The following DOCK2 variants were observed in gnomAD, a reference collection of about 807,000 sequenced individuals.
The protein encoded by DOCK2 is dedicator of cytokinesis protein 2.
In DOCK2, 87 loss-of-function variants were observed where a neutral mutation model predicts 248.9. The ratio of observed to expected loss-of-function variants is 0.35; its 90% confidence interval spans 0.29 to 0.42. The LOEUF is 0.42. Ranked by LOEUF, DOCK2 falls within the 10% of genes least tolerant of loss-of-function variation. The pLI is 1.00. For synonymous variants in DOCK2, 805 were observed against 821.6 expected (o/e 0.98, Z 0.35); for missense variants, 1,747 against 2,300.2 (o/e 0.76, Z 4.92).
chr5:170,058,653 G>A lies in DOCK2; in HGVS notation c.4467+987G>A, dbSNP rs139563800. ...TTGTGTCCAGATCAGAACAAGTGAG[G>A]GTGAGTAACAGTCATCTGATACCAG... On this transcript the variant is annotated intron_variant, in intron 44 of 51. Transcript: ENST00000520908. 5.7e-4 allele frequency among the ~76,000 whole-genome samples: 86 copies of A among 152,190 alleles called. 1 individual carries two copies. Among genetic ancestry groups the A allele is most frequent in the Middle Eastern group, 6.8e-3 (2 of 294 alleles).
At chr5:169,686,098 G>T (rs568656426) in intron 8 of DOCK2, among the ~76,000 whole-genome samples, 5 of 152,264 alleles carry the variant, frequency 3.3e-5, no homozygotes, top group East Asian at 3.9e-4. Flanking sequence ...GGTCCCTTAC[G>T]CCCACCTTGA....
chr5:169,709,210 C>T (rs2113512353), intron 15 of DOCK2, among the ~76,000 whole-genome samples: 1 of 152,308 alleles, frequency 6.6e-6, no homozygotes, highest in Admixed American at 6.5e-5. Context: ...TGACCCTTGC[C>T]TGTTTTTTAA....
chr5:169,915,950 G>A (rs1581411055), intron 27 of DOCK2, among the ~76,000 whole-genome samples: 1 of 152,276 alleles, frequency 6.6e-6, no homozygotes, highest in East Asian at 1.9e-4. Context: ...GAAACGTTAT[G>A]CTGAATTCTG....
At position 169,704,259 on chromosome 5, in the gene DOCK2, G is replaced by C. The variant is rs6555874; in HGVS notation, c.1383+1832G>C. Among the ~76,000 whole-genome samples the C allele has an allele frequency of 4.4e-3, 667 of 152,326 alleles. 6 individuals carry two copies. Among genetic ancestry groups the C allele is most frequent in the African/African-American group, 0.015 (628 of 41,588 alleles). On this transcript the variant is annotated intron_variant, in intron 14 of 51. Transcript: ENST00000520908. ...GAAATAAATATTACTGCCTAATTAAGTGTCAGTCAGTACATTCAAACACTT... is the reference window on the plus strand; with the variant it reads ...GAAATAAATATTACTGCCTAATTAACTGTCAGTCAGTACATTCAAACACTT...
intron 6 of DOCK2, among the ~76,000 whole-genome samples, chr5:169,678,452 C>T (rs1294524287): frequency 3.9e-5 from 6 of 151,900 alleles, no homozygotes; most frequent in African/African-American, 7.3e-5. Flanking sequence ...TTAGTAGAGA[C>T]GGGGTTTCAC....
chr5:169,775,012 G>A (rs1354687574), intron 25 of DOCK2, among the ~76,000 whole-genome samples: 5 of 152,080 alleles, frequency 3.3e-5, no homozygotes, highest in Admixed American at 1.3e-4. Flanking sequence ...AGGTTCAAGC[G>A]ATTCTCTTGC....
chr5:169,848,508 G>T (rs935603962), intron 27 of DOCK2, among the ~76,000 whole-genome samples: 10 of 152,226 alleles, frequency 6.6e-5, no homozygotes, highest in African/African-American at 2.4e-4. Flanking sequence ...TCCTGTTACT[G>T]ACTGCTCTAG....
rs918501534 is a variant in DOCK2 at position 169,679,652 on chromosome 5, A to G, written c.471-2092A>G. ...GCGATGCTCCATCTTTTCCAAGGTC[A>G]GGAGAGCCTCTGCTAAGCATTAGCT... On this transcript the variant is annotated intron_variant, in intron 6 of 51. Transcript: ENST00000520908. Among the ~76,000 whole-genome samples the G allele has an allele frequency of 2.6e-5, 4 of 152,356 alleles. No homozygotes were observed. The East Asian group carries it at 5.8e-4, about 22-fold the overall frequency.
chr5:169,654,469 T>A lies in DOCK2; in HGVS notation c.110T>A (p.Ile37Lys). The A allele has an allele frequency of 6.2e-7, 1 of 1,614,160 alleles. No homozygotes were observed. The highest frequency in any genetic ancestry group is 8.5e-7 in the Non-Finnish European group (1 of 1,180,026). ...CTGCAGATCGGCGATGTGGTGCGAA[T>A]ACAGGAGACGTGTGGAGGTGAGTCA... is the stretch of plus-strand genomic sequence containing the variant. ...LSLQIGDVVR[I>K]QETCGDWYRG... The change falls in exon 2 of 52, where the codon ATA (isoleucine) becomes AAA (lysine). Residue 37 changes from isoleucine (I) to lysine (K), a missense_variant. Transcript: ENST00000520908.
intron 27 of DOCK2, among the ~76,000 whole-genome samples, chr5:169,953,883 C>A (rs887499445): frequency 6.6e-6 from 1 of 152,178 alleles, no homozygotes; most frequent in African/African-American, 2.4e-5. Context: ...GAGTTAGTTT[C>A]CTCATCAGTA....
chr5:169,676,415 C>T (rs1561589903), intron 6 of DOCK2, among the ~76,000 whole-genome samples: 1 of 152,196 alleles, frequency 6.6e-6, no homozygotes, highest in Non-Finnish European at 1.5e-5. Flanking sequence ...CCAGCCCCTC[C>T]TCTGCAGCAT....
At chr5:169,891,019 C>T (rs1773250546) in intron 27 of DOCK2, among the ~76,000 whole-genome samples, 1 of 152,234 alleles carries the variant, frequency 6.6e-6, no homozygotes, top group African/African-American at 2.4e-5. Context: ...ACTTTCAGGG[C>T]CACAACCTTG....
At chr5:169,968,863 GA>G (rs1272053005) in intron 27 of DOCK2, among the ~76,000 whole-genome samples, 1 of 152,174 alleles carries the variant, frequency 6.6e-6, no homozygotes, top group Non-Finnish European at 1.5e-5. Context: ...CCCGGGAGAA[GA>G]AATGGCACTT....
chr5:169,826,414 A>T (rs145201089), intron 26 of DOCK2, among the ~76,000 whole-genome samples: 1 of 152,226 alleles, frequency 6.6e-6, no homozygotes, highest in Non-Finnish European at 1.5e-5. Flanking sequence ...GGTGGCTCTC[A>T]TCTCTGGGGG....
chr5:169,805,747 A>G (rs547184688), intron 26 of DOCK2, among the ~76,000 whole-genome samples: 13 of 152,170 alleles, frequency 8.5e-5, no homozygotes, highest in Middle Eastern at 3.4e-3. Context: ...TGTCTTACAC[A>G]CCCTCGATAC....
chr5:169,801,537 G>C (rs776224585), intron 25 of DOCK2, among the ~76,000 whole-genome samples: 4 of 152,156 alleles, frequency 2.6e-5, no homozygotes, highest in Non-Finnish European at 4.4e-5. Context: ...TATTAGTACC[G>C]TTGGCAGTTA....
chr5:169,879,621 T>C (rs1472124402), intron 27 of DOCK2, among the ~76,000 whole-genome samples: 1 of 152,258 alleles, frequency 6.6e-6, no homozygotes, highest in East Asian at 1.9e-4. Flanking sequence ...GAATGTTTGC[T>C]GGAGATGTTT....
At chr5:169,709,919 A>G (rs967080259) in intron 15 of DOCK2, among the ~76,000 whole-genome samples, 5 of 152,096 alleles carry the variant, frequency 3.3e-5, no homozygotes, top group Non-Finnish European at 7.4e-5. Context: ...ACTACCGAGC[A>G]TTTTCCTTTT....
intron 33 of DOCK2, among the ~76,000 whole-genome samples, chr5:170,021,877 C>T (rs528130980): frequency 5.9e-5 from 9 of 152,010 alleles, no homozygotes; most frequent in Non-Finnish European, 1.3e-4. Flanking sequence ...ATGGCCAGAA[C>T]GAGAGTGAAC....
Sources: allele counts gnomAD v4.1 joint callset (sites outside exome capture counted in the v4.1 genomes callset), GRCh38; gene constraint gnomAD v4.1.1; transcripts MANE v1.5; gene names NCBI Gene and HGNC (gene_info 2026-07-23, HGNC 2026-07-21).